LITAF: variants seen among roughly 807,000 people sequenced by gnomAD.
LITAF encodes lipopolysaccharide induced TNF factor.
LITAF carries 9 observed loss-of-function variants against 14.5 expected under a neutral mutation model. The ratio of observed to expected loss-of-function variants is 0.62; its 90% confidence interval spans 0.37 to 1.08. The LOEUF (loss-of-function observed/expected upper bound fraction) is 1.08. Among genes scored for constraint, LITAF ranks in the 50% least tolerant of loss-of-function variants. LITAF has a pLI of 0.01. For missense variants in LITAF, 206 were observed against 213.4 expected (o/e 0.97, Z 0.22); for synonymous variants, 98 against 88.2 (o/e 1.11, Z -0.62).
upstream of LITAF, among the ~76,000 whole-genome samples, chr16:11,602,760 C>CAAAAAA (rs35880448): frequency 8.8e-6 from 1 of 114,224 alleles, no homozygotes; most frequent in Non-Finnish European, 1.8e-5. Flanking sequence ...TGGCTTGTTG[C>CAAAAAA]AAAAAAAAAA....
At chr16:11,602,760 CAAAAAAAAAAAA>C (rs35880448), upstream of LITAF, among the ~76,000 whole-genome samples, 1 of 114,226 alleles carries the variant, frequency 8.8e-6, no homozygotes, top group Non-Finnish European at 1.8e-5. Flanking sequence ...TGGCTTGTTG[CAAAAAAAAAAAA>C]AAAAAAAAAT....
chr16:11,592,176 G>C (rs1216676206), upstream of LITAF, among the ~76,000 whole-genome samples: 3 of 152,156 alleles, frequency 2.0e-5, no homozygotes. Context: ...CACAGAAGAG[G>C]AGAAAATGTT....
chr16:11,588,874 TCCTC>T (rs1330746546), upstream of LITAF, among the ~76,000 whole-genome samples: 2 of 145,500 alleles, frequency 1.4e-5, no homozygotes, highest in African/African-American at 5.3e-5. Flanking sequence ...CTTCCTTCCT[TCCTC>T]CCTTCCTCCT....
intron 3 of LITAF, among the ~76,000 whole-genome samples, chr16:11,611,671 T>A (rs1265494252): frequency 1.3e-5 from 2 of 151,496 alleles, no homozygotes; most frequent in Admixed American, 1.3e-4. Flanking sequence ...TTTTTCTTTT[T>A]TTTTTTTTTA....
At chr16:11,622,979 T>C (rs1280897403) in intron 3 of LITAF, among the ~76,000 whole-genome samples, 1 of 150,066 alleles carries the variant, frequency 6.7e-6, no homozygotes. Context: ...TATAATTTTT[T>C]TTTTGAAACA....
At chr16:11,611,597 A>T (rs1277804816) in intron 3 of LITAF, among the ~76,000 whole-genome samples, 1 of 152,018 alleles carries the variant, frequency 6.6e-6, no homozygotes, top group African/African-American at 2.4e-5. Flanking sequence ...AATTGCAGCC[A>T]ATTGGGAGCA....
chr16:11,583,627 A>C lies in LITAF; in HGVS notation c.-6+3259T>G, dbSNP rs138712830. On this transcript the variant is annotated intron_variant, in intron 1 of 3. Coordinates refer to ENST00000622633, the MANE Select transcript of LITAF (RefSeq NM_001136472.2). Reference sequence around the variant, plus strand: ...TTCCACACTTTAATATTTTTTAATAAAAAATTTCAAACTATCAGTGCATCA... The same window carrying C: ...TTCCACACTTTAATATTTTTTAATACAAAATTTCAAACTATCAGTGCATCA... Among the ~76,000 whole-genome samples the C allele has an allele frequency of 7.5e-3, 1,139 of 152,332 alleles. 11 individuals are homozygous for C. The highest frequency in any genetic ancestry group is 0.011 in the Non-Finnish European group (761 of 68,032).
chr16:11,549,897 C>T lies in LITAF; in HGVS notation c.378-152G>A, dbSNP rs1402217132. ...ATGGGATCATCTTGGATTATCCAGG[C>T]GGACCCCTAAAACCCAATGACCTTA... is the stretch of plus-strand genomic sequence containing the variant. On this transcript the variant is annotated intron_variant, in intron 3 of 3. Coordinates refer to ENST00000622633, the MANE Select transcript of LITAF (RefSeq NM_001136472.2). The surrounding 1 kb of genome is among the most constrained non-coding windows in gnomAD (Gnocchi z 4.6). 10 of 675,124 alleles carry T rather than the reference C, an allele frequency of 1.5e-5. No homozygotes were observed. In the Middle Eastern group the frequency reaches 1.1e-3, roughly 73 times the overall value. The allele number at this position is 675,124 out of a possible 1,614,324, so 41.8% of individuals were successfully genotyped here.
At chr16:11,551,685 A>G in intron 3 of LITAF, 1 of 637,188 alleles carries the variant, frequency 1.6e-6, no homozygotes, top group Admixed American at 2.7e-5. Flanking sequence ...TTTAAAAATT[A>G]GCTAGGTATG....
intron 1 of LITAF, among the ~76,000 whole-genome samples, chr16:11,583,213 CA>C (rs1169946612): frequency 6.6e-6 from 1 of 152,162 alleles, no homozygotes; most frequent in Non-Finnish European, 1.5e-5. Flanking sequence ...GCTGTTTCTG[CA>C]GGGCGGTATG....
upstream of LITAF, among the ~76,000 whole-genome samples, chr16:11,600,581 C>T (rs1168349402): frequency 6.6e-6 from 1 of 152,228 alleles, no homozygotes; most frequent in African/African-American, 2.4e-5. This position sits in a 1 kb window ranked among gnomAD's most constrained non-coding sequence, Gnocchi z 4.1. Flanking sequence ...CTAGCTGGCC[C>T]CCACCCTTCA....
intron 1 of LITAF, among the ~76,000 whole-genome samples, chr16:11,581,616 C>A (rs895616356): frequency 6.6e-6 from 1 of 151,960 alleles, no homozygotes; most frequent in African/African-American, 2.4e-5. Context: ...AAGGCCCTAT[C>A]TCAAAAAATA....
chr16:11,556,442 G>A (rs773115977), intron 2 of LITAF, 69 bp downstream of exon 2: 121 of 1,375,394 alleles, frequency 8.8e-5, no homozygotes, highest in Non-Finnish European at 1.0e-4. Flanking sequence ...GAGTCACTTC[G>A]GTCACTCTCC....
intron 3 of LITAF, among the ~76,000 whole-genome samples, chr16:11,611,136 G>GC (rs761073574): frequency 2.5e-3 from 381 of 152,098 alleles, no homozygotes; most frequent in Non-Finnish European, 4.0e-3. Context: ...ATCACTTGAG[G>GC]CCAGGAGTTC....
intron 1 of LITAF, among the ~76,000 whole-genome samples, chr16:11,577,345 T>C (rs1330669297): frequency 7.4e-6 from 1 of 134,252 alleles, no homozygotes; most frequent in Non-Finnish European, 1.5e-5. Context: ...TGAGACGGAG[T>C]CTCCCTCTGT....
chr16:11,603,192 A>T (rs1000569307), upstream of LITAF, among the ~76,000 whole-genome samples: 1 of 152,204 alleles, frequency 6.6e-6, no homozygotes, highest in Admixed American at 6.5e-5. Context: ...TGCAGGCAGG[A>T]GCTTTATATT....
upstream of LITAF, among the ~76,000 whole-genome samples, chr16:11,599,134 G>C (rs559291520): frequency 4.2e-4 from 59 of 141,492 alleles, no homozygotes; most frequent in African/African-American, 1.5e-3. Context: ...ATGGGGGGGT[G>C]GGGGGACAGA....
rs2064809929 is a variant in LITAF at position 11,586,562 on chromosome 16, G to A, written c.-6+324C>T. 6.6e-6 allele frequency among the ~76,000 whole-genome samples: 1 copy of A among 152,112 alleles called. No individual in the cohort carries two copies. The highest frequency in any genetic ancestry group is 1.5e-5 in the Non-Finnish European group (1 of 67,950). On this transcript the variant is annotated intron_variant, in intron 1 of 3. Transcript: ENST00000622633. This position sits in a 1 kb window ranked among gnomAD's most constrained non-coding sequence, Gnocchi z 6.5. ...CAGGGGCCGTCCTCTCCGGGGAGGG[G>A]GACGCGGCGGGCCGCGAAGGGCGCT...
rs550066963 is a variant in LITAF, at chr16:11,553,475, C to T, written c.377+58G>A. On this transcript the variant is annotated intron_variant, in intron 3 of 3. Coordinates refer to ENST00000622633, the MANE Select transcript of LITAF (RefSeq NM_001136472.2). The surrounding 1 kb of genome is among the most constrained non-coding windows in gnomAD (Gnocchi z 7.7). ...CATGGTGCAGTTGAGAACCCACCCCCGCCAGCACCCAGAGAGAAGGGCAGG... is the reference window on the plus strand; with the variant it reads ...CATGGTGCAGTTGAGAACCCACCCCTGCCAGCACCCAGAGAGAAGGGCAGG... The T allele has an allele frequency of 1.6e-5, 25 of 1,594,064 alleles. No homozygotes were observed. Among genetic ancestry groups the T allele is most frequent in the East Asian group, 6.7e-5 (3 of 44,658 alleles).
Sources: gnomAD v4.1 joint callset for allele counts (sites outside exome capture counted in the v4.1 genomes callset) on GRCh38, gnomAD v4.1.1 for gene constraint, Gnocchi (gnomAD v3.1) non-coding constraint, MANE v1.5 for transcripts, NCBI Gene and HGNC (gene_info 2026-07-23, HGNC 2026-07-21) for gene names.